DNM2: variants seen among roughly 807,000 people sequenced by gnomAD.
DNM2 encodes dynamin-2.
DNM2 carries 15 observed loss-of-function variants against 99.0 expected under a neutral mutation model. That is an observed-to-expected ratio of 0.15 (90% CI 0.10 to 0.23). The LOEUF (loss-of-function observed/expected upper bound fraction) is 0.23. Ranked by LOEUF, DNM2 falls within the 10% of genes least tolerant of loss-of-function variation. The pLI is 1.00. For synonymous variants in DNM2, 525 were observed against 481.2 expected, an observed-to-expected ratio of 1.09 and a Z score of -1.19; for missense variants, 742 against 1,189.4, an observed-to-expected ratio of 0.62 and a Z score of 5.53.
intron 11 of DNM2, among the ~76,000 whole-genome samples, chr19:10,799,527 GTTT>G (rs1241230585): frequency 5.6e-5 from 8 of 143,522 alleles, no homozygotes; most frequent in Middle Eastern, 3.6e-3. Flanking sequence ...TTGTGTTGTG[GTTT>G]TTTGTTTTTT....
intron 16 of DNM2, 37 bp from the exon 17 acceptor site, chr19:10,823,751 G>A (rs1283336484): frequency 6.2e-7 from 1 of 1,601,286 alleles, no homozygotes; most frequent in South Asian, 1.1e-5. Flanking sequence ...CCATGGCAGG[G>A]TCAAGCTTGT....
At chr19:10,807,626 A>G (rs1168059162) in intron 13 of DNM2, among the ~76,000 whole-genome samples, 2 of 126,322 alleles carry the variant, frequency 1.6e-5, no homozygotes, top group East Asian at 2.5e-4. Flanking sequence ...TCAGCTCACC[A>G]CAACCTCCGC....
chr19:10,819,327 A>G (rs1339784659), intron 15 of DNM2, among the ~76,000 whole-genome samples: 1 of 152,196 alleles, frequency 6.6e-6, no homozygotes, highest in East Asian at 1.9e-4. Flanking sequence ...TCCAGCCCCA[A>G]GATGTCCTAA....
At chr19:10,748,130 A>C (rs2145798858) in intron 1 of DNM2, among the ~76,000 whole-genome samples, 1 of 152,242 alleles carries the variant, frequency 6.6e-6, no homozygotes, top group East Asian at 1.9e-4. Flanking sequence ...CTTTTATTCC[A>C]AGTGAAGCGG....
At chr19:10,724,323 G>A (rs372665082) in intron 1 of DNM2, among the ~76,000 whole-genome samples, 5 of 152,054 alleles carry the variant, frequency 3.3e-5, no homozygotes, top group Admixed American at 1.3e-4. Flanking sequence ...GATTACAGGC[G>A]CCTGCCACCA....
intron 2 of DNM2, among the ~76,000 whole-genome samples, chr19:10,770,965 T>C (rs924360148): frequency 2.0e-5 from 3 of 152,174 alleles, no homozygotes; most frequent in African/African-American, 7.2e-5. Context: ...GCTAATTTTT[T>C]AAATTTCTGT....
chr19:10,725,168 C>G (rs2069072049), intron 1 of DNM2, among the ~76,000 whole-genome samples: 1 of 152,188 alleles, frequency 6.6e-6, no homozygotes, highest in Non-Finnish European at 1.5e-5. Context: ...CCATACATGG[C>G]CGGGCATGGT....
Position 10,795,470 on chromosome 19 carries a change from C to G in DNM2, c.1196+31C>G, listed in dbSNP as rs201302083. The G allele has an allele frequency of 2.7e-5, 44 of 1,612,894 alleles. No individual in the cohort carries two copies. The African/African-American group carries it at 4.1e-4, about 15-fold the overall frequency. The stretch of plus-strand genomic sequence containing the variant: ...TTCCACGAGGAGAGTCACCACTGTT[C>G]CTTCCTCTCCGTGGTGCGACCCCCC... On this transcript the variant is annotated intron_variant, in intron 9 of 20. Coordinates refer to ENST00000389253, the MANE Select transcript of DNM2 (RefSeq NM_001005361.3). The surrounding 1 kb of genome is among the most constrained non-coding windows in gnomAD (Gnocchi z 4.2).
Position 10,775,976 on chromosome 19 carries a change from G to A in DNM2, c.589+70G>A. 6.4e-7 allele frequency: 1 copy of A among 1,574,260 alleles called. No homozygotes were observed. Among genetic ancestry groups the A allele is most frequent in the Non-Finnish European group, 8.6e-7 (1 of 1,163,016 alleles). ...GCATGGGATGTGCCCAGCATCCTTG[G>A]TTCCAAGTCACTGGCGTTCTCTTTA... On this transcript the variant is annotated intron_variant, in intron 4 of 20. Transcript: ENST00000389253. The surrounding 1 kb of genome is among the most constrained non-coding windows in gnomAD (Gnocchi z 4.3).
intron 5 of DNM2, 137 bp from the exon 6 acceptor site, chr19:10,782,823 T>G (rs2071424065): frequency 8.2e-7 from 1 of 1,225,242 alleles, no homozygotes; most frequent in African/African-American, 1.5e-5. Flanking sequence ...CTGTGTTGTT[T>G]CTGAGTAACA....
intron 2 of DNM2, chr19:10,769,257 A>ACTGAGC (rs2070898360): frequency 6.6e-6 from 1 of 152,360 alleles, no homozygotes; most frequent in South Asian, 2.1e-4. Flanking sequence ...CTGACTACAG[A>ACTGAGC]CTGAGCTCAT....
intron 5 of DNM2, among the ~76,000 whole-genome samples, chr19:10,777,884 C>T (rs916800171): frequency 3.3e-5 from 5 of 151,988 alleles, no homozygotes; most frequent in Non-Finnish European, 7.4e-5. Flanking sequence ...CATGAGCCAC[C>T]GCACCCGGCC....
chr19:10,743,457 C>G (rs1321917357), intron 1 of DNM2, among the ~76,000 whole-genome samples: 1 of 150,346 alleles, frequency 6.7e-6, no homozygotes, highest in Non-Finnish European at 1.5e-5. Flanking sequence ...GGCGGATCAT[C>G]TGAGGTCATG....
chr19:10,783,362 G>T (rs1205071330), intron 6 of DNM2, among the ~76,000 whole-genome samples: 2 of 152,210 alleles, frequency 1.3e-5, no homozygotes, highest in Non-Finnish European at 2.9e-5. Flanking sequence ...AGGTACTCAG[G>T]AGGCTGAGGC....
At position 10,820,439 on chromosome 19, in the gene DNM2, G is replaced by A. The variant is rs62131827; in HGVS notation, c.1781+350G>A. 6.6e-6 allele frequency among the ~76,000 whole-genome samples: 1 copy of A among 152,210 alleles called. No homozygotes were observed. ...TGAGAGGGTGAGAGATGGGGGACGAGGGCAAAGGCCGCTGCCTTGTCCAAG... is the reference window on the plus strand; with the variant it reads ...TGAGAGGGTGAGAGATGGGGGACGAAGGCAAAGGCCGCTGCCTTGTCCAAG... On this transcript the variant is annotated intron_variant, in intron 16 of 20. Transcript: ENST00000389253. The surrounding 1 kb of genome is among the most constrained non-coding windows in gnomAD (Gnocchi z 4.3).
chr19:10,748,496 G>C (rs917741156), intron 1 of DNM2, among the ~76,000 whole-genome samples: 4 of 152,202 alleles, frequency 2.6e-5, no homozygotes, highest in African/African-American at 9.6e-5. Context: ...GCACTGTAAG[G>C]CTTGGGCGTC....
intron 11 of DNM2, among the ~76,000 whole-genome samples, chr19:10,800,917 G>A (rs191326328): frequency 4.8e-4 from 73 of 152,368 alleles, no homozygotes; most frequent in Admixed American, 1.6e-3. Context: ...GTGTGTGCGC[G>A]CGTGCACGTG....
chr19:10,718,615 G>C, intron 1 of DNM2: 3 of 671,938 alleles, frequency 4.5e-6, no homozygotes, highest in Non-Finnish European at 6.1e-6. Flanking sequence ...CCCAGGGGCG[G>C]TGTCACGGGC....
chr19:10,802,691 T>C (rs2072195777), intron 12 of DNM2: 1 of 400,856 alleles, frequency 2.5e-6, no homozygotes, highest in Non-Finnish European at 4.8e-6. Flanking sequence ...TAGCGACCAG[T>C]GTGCAGCTTT....
Sources: allele counts gnomAD v4.1 joint callset (sites outside exome capture counted in the v4.1 genomes callset), GRCh38; gene constraint gnomAD v4.1.1; non-coding constraint Gnocchi (gnomAD v3.1); transcripts MANE v1.5; gene names NCBI Gene and HGNC (gene_info 2026-07-23, HGNC 2026-07-21).